The following ASPM variants were observed in gnomAD, a reference collection of about 807,000 sequenced individuals.
ASPM encodes assembly factor for spindle microtubules.
A neutral mutation model predicts 366.4 loss-of-function variants in ASPM; 256 were observed. The observed-to-expected ratio is 0.70, with a 90% CI of 0.63 to 0.77. ASPM has a LOEUF of 0.77. Ranked by LOEUF, ASPM falls within the 30% of genes least tolerant of loss-of-function variation. The pLI is 0.00. For missense variants in ASPM, 4,146 were observed against 4,090.4 expected, an observed-to-expected ratio of 1.01 and a Z score of -0.37; for synonymous variants, 1,414 against 1,342.9, an observed-to-expected ratio of 1.05 and a Z score of -1.16.
At chr1:197,092,302 T>TA (rs1387082044) in intron 21 of ASPM, among the ~76,000 whole-genome samples, 2 of 151,870 alleles carry the variant, frequency 1.3e-5, no homozygotes, top group Non-Finnish European at 2.9e-5. Context: ...CTTTACTAAA[T>TA]AACCATAGCT....
chr1:197,100,449 A>G lies in ASPM; in HGVS notation c.8802T>C (p.Asn2934=). 1 of 1,555,730 alleles carries G rather than the reference A, an allele frequency of 6.4e-7. No individual in the cohort carries two copies. The highest frequency in any genetic ancestry group is 8.7e-7 in the Non-Finnish European group (1 of 1,147,682). ...GAAATACCTGAATTTTTATGGTGCT[A>G]TTTTTAATTTCCTGAAACTTCCGTT... ...IQKRKFQEIK[N]STIKIQAMWR... is the part of the protein sequence containing the mutation. The change falls in exon 18 of 28, where the codon AAT becomes AAC. Residue 2934 remains asparagine (N), a synonymous_variant. Coordinates refer to ENST00000367409, the MANE Select transcript of ASPM (RefSeq NM_018136.5).
intron 18 of ASPM, among the ~76,000 whole-genome samples, chr1:197,099,791 G>C (rs1657096897): frequency 6.6e-6 from 1 of 151,742 alleles, no homozygotes; most frequent in African/African-American, 2.4e-5. Flanking sequence ...CTGGGTTATT[G>C]CAGGTAAAAA....
intron 18 of ASPM, among the ~76,000 whole-genome samples, chr1:197,097,441 A>G (rs754386509): frequency 2.0e-5 from 3 of 151,690 alleles, no homozygotes; most frequent in Non-Finnish European, 2.9e-5. Context: ...AAATAATTAA[A>G]TAATTCCTCC....
chr1:197,107,564 A>C (rs773042054), intron 17 of ASPM, among the ~76,000 whole-genome samples: 3 of 152,182 alleles, frequency 2.0e-5, no homozygotes, highest in Non-Finnish European at 4.4e-5. Context: ...TTCAACTCTC[A>C]CAAGAAAAGA....
At position 197,135,214 on chromosome 1, in the gene ASPM, A is replaced by T. The variant is rs1658380406; in HGVS notation, c.2055T>A (p.Ala685=). The T allele has an allele frequency of 3.1e-6, 5 of 1,614,026 alleles. No homozygotes were observed. Among genetic ancestry groups the T allele is most frequent in the Non-Finnish European group, 4.2e-6 (5 of 1,179,938 alleles). The part of the protein sequence containing the change: ...TDIPRHPMPF[A]AKNMFYDERW... Reference sequence around the variant, plus strand: ...GTTCATCATAAAACATGTTTTTTGCAGCAAATGGCATCGGGTGTCTGGGAA... The same window carrying T: ...GTTCATCATAAAACATGTTTTTTGCTGCAAATGGCATCGGGTGTCTGGGAA... The change falls in exon 5 of 28, where the codon GCT becomes GCA. Residue 685 remains alanine, a synonymous_variant. Coordinates refer to ENST00000367409, the MANE Select transcript of ASPM (RefSeq NM_018136.5).
In ASPM at chr1:197,142,324, G is replaced by A. The variant is rs1163621848; in HGVS notation, c.1921+7C>T. ...ATACTTCAGTAGATTTTATAAACAA[G>A]ACTCACCAGTTTTCTTCTTCAGGTT... On this transcript the variant is annotated splice_region_variant and intron_variant, in intron 3 of 27. Transcript: ENST00000367409. The A allele has an allele frequency of 1.9e-6, 3 of 1,612,832 alleles. No homozygotes were observed. The East Asian group carries it at 6.7e-5, about 36-fold the overall frequency.
rs902043481 is a variant in ASPM, at chr1:197,102,100, T to G, written c.7151A>C (p.Gln2384Pro). 6.2e-7 allele frequency: 1 copy of G among 1,612,880 alleles called. No individual in the cohort carries two copies. Among genetic ancestry groups the G allele is most frequent in the Non-Finnish European group, 8.5e-7 (1 of 1,179,308 alleles). The change falls in exon 18 of 28, where the codon CAA (glutamine) becomes CCA (proline). Residue 2384 changes from glutamine (Q) to proline (P), a missense_variant. Around this residue, in one of 3 missense-constraint regions of ASPM, gnomAD observed 3,624 missense variants for 3,591.7 expected, o/e 1.01. Coordinates refer to ENST00000367409, the MANE Select transcript of ASPM (RefSeq NM_018136.5). ...AKLQRQHYLR[Q>P]RHSAVILQAA... ...CTGAAGGATCACAGCAGAGTGTCTT[T>G]GTCTGAGATAATGCTGCCTCTGCAG...
Position 197,124,332 on chromosome 1 carries a change from C to T in ASPM, c.3169-1G>A, listed in dbSNP as rs1447612980. 1.3e-6 allele frequency: 2 copies of T among 1,540,796 alleles called. No individual in the cohort carries two copies. The highest frequency in any genetic ancestry group is 2.7e-5 in the African/African-American group (2 of 73,030). On this transcript the variant is annotated splice_acceptor_variant, in intron 12 of 27. Coordinates refer to ENST00000367409, the MANE Select transcript of ASPM (RefSeq NM_018136.5). LOFTEE classifies it high-confidence loss of function. The stretch of plus-strand genomic sequence containing the variant: ...GATCTAAGTTAAGGGAAATATCCAC[C>T]TAAAACAAACACAAAAAAAGATAAA...
rs1658684364 is a variant in ASPM, at chr1:197,143,886, G to A, written c.441+71C>T. 6.5e-6 allele frequency: 10 copies of A among 1,546,674 alleles called. No individual in the cohort carries two copies. In the East Asian group the frequency reaches 2.3e-4, roughly 36 times the overall value. ...AAATAAGCAATATTACTTCAAGCCTGTTATCAAAATAAGTTTTATTTATTA... is the reference window on the plus strand; with the variant it reads ...AAATAAGCAATATTACTTCAAGCCTATTATCAAAATAAGTTTTATTTATTA... On this transcript the variant is annotated intron_variant, in intron 2 of 27. Transcript: ENST00000367409.
chr1:197,128,392 T>C (rs2125107022), intron 10 of ASPM, 98 bp downstream of exon 10: 1 of 1,240,028 alleles, frequency 8.1e-7, no homozygotes, highest in South Asian at 1.2e-5. Context: ...TTTATTGTAC[T>C]ACTTGAAAGA....
At chr1:197,134,738 T>C (rs1176307621) in intron 5 of ASPM, among the ~76,000 whole-genome samples, 2 of 152,210 alleles carry the variant, frequency 1.3e-5, no homozygotes, top group Non-Finnish European at 1.5e-5. Flanking sequence ...AAATTCCTCA[T>C]ATGAATTGGT....
At position 197,146,404 on chromosome 1, in the gene ASPM, C is replaced by G. The variant is rs1658786137; in HGVS notation, c.34G>C (p.Glu12Gln). 6.2e-7 allele frequency: 1 copy of G among 1,609,790 alleles called. No individual in the cohort carries two copies. Among genetic ancestry groups the G allele is most frequent in the East Asian group, 2.2e-5 (1 of 44,790 alleles). ...GGCCTCCGCTCGGTCGGGCTCACTT[C>G]CCAGCAGCCTCGCCCCACTCGCCGG... ...ANRRVGRGCW[E>Q]VSPTERRPPA... The change falls in exon 1 of 28, where the codon GAA becomes CAA. Residue 12 changes from glutamate (E) to glutamine (Q), a missense_variant. Physicochemically the swap from Glu to Gln is conservative, Grantham distance 29. Coordinates refer to ENST00000367409, the MANE Select transcript of ASPM (RefSeq NM_018136.5).
rs762252498 is a variant in ASPM at position 197,129,324 on chromosome 1, TA to T, written c.2630-8del. 2.5e-6 allele frequency: 4 copies of T among 1,611,466 alleles called. No homozygotes were observed. The African/African-American group carries it at 4.0e-5, about 16-fold the overall frequency. On this transcript the variant is annotated splice_region_variant and splice_polypyrimidine_tract_variant and intron_variant, in intron 8 of 27. Coordinates refer to ENST00000367409, the MANE Select transcript of ASPM (RefSeq NM_018136.5). The stretch of plus-strand genomic sequence containing the variant: ...GACAAAGCTTCTTCATGACCTTAAA[TA>T]AAGTACAAAAAAGCACAGCAAGTTA...
intron 18 of ASPM, 94 bp from the exon 19 acceptor site, chr1:197,096,258 T>G: frequency 9.0e-7 from 1 of 1,111,552 alleles, no homozygotes; most frequent in Non-Finnish European, 1.3e-6. Context: ...AAAATAAGGT[T>G]AGTGCAGACA....
rs775712997 is a variant in ASPM, at chr1:197,142,311, A to C, written c.1921+20T>G. On this transcript the variant is annotated intron_variant, in intron 3 of 27. Transcript: ENST00000367409. ...CCCCTTTACAGGTATACTTCAGTAG[A>C]TTTTATAAACAAGACTCACCAGTTT... The C allele has an allele frequency of 1.2e-6, 2 of 1,611,260 alleles. No homozygotes were observed. Among genetic ancestry groups the C allele is most frequent in the East Asian group, 4.5e-5 (2 of 44,848 alleles).
intron 7 of ASPM, 118 bp downstream of exon 7, chr1:197,132,167 G>T: frequency 1.3e-6 from 1 of 754,502 alleles, no homozygotes; most frequent in South Asian, 2.0e-5. Flanking sequence ...GATGAATCAA[G>T]CTAACCTAAT....
intron 4 of ASPM, chr1:197,138,640 C>G (rs1318511966): frequency 2.0e-6 from 1 of 499,870 alleles, no homozygotes; most frequent in Non-Finnish European, 3.6e-6. Flanking sequence ...AATAAGCAAG[C>G]CAATTTTTAA....
At position 197,101,565 on chromosome 1, in the gene ASPM, G is replaced by A. The variant is rs769567261; in HGVS notation, c.7686C>T (p.Ser2562=). 6.2e-6 allele frequency: 10 copies of A among 1,609,398 alleles called. No individual in the cohort carries two copies. Among genetic ancestry groups the A allele is most frequent in the African/African-American group, 2.7e-5 (2 of 74,892 alleles). ...AATACTGCCTATACATTCTGTAGGT[G>A]CTTTGTATTACGATAGAAGCTTTGT... is the stretch of plus-strand genomic sequence containing the variant. ...EKHKASIVIQ[S]TYRMYRQYCF... Residue 2562 remains serine, a synonymous_variant, in exon 18 of 28, where the codon AGC becomes AGT. Transcript: ENST00000367409.
At chr1:197,084,799 G>A (rs184503064) in intron 27 of ASPM, among the ~76,000 whole-genome samples, 19 of 152,190 alleles carry the variant, frequency 1.2e-4, no homozygotes, top group East Asian at 3.9e-4. Flanking sequence ...AACCTAGTCC[G>A]TTTTTGCCCC....
Sources: gnomAD v4.1 joint callset for allele counts (sites outside exome capture counted in the v4.1 genomes callset) on GRCh38, gnomAD v4.1.1 for gene constraint, gnomAD v4.1.1 regional missense constraint, MANE v1.5 for transcripts, NCBI Gene and HGNC (gene_info 2026-07-23, HGNC 2026-07-21) for gene names.